The following MTARC1 variants were observed in gnomAD, a reference collection of about 807,000 sequenced individuals.
MTARC1 encodes mitochondrial amidoxime-reducing component 1.
MTARC1 carries 24 observed loss-of-function variants against 33.6 expected under a neutral mutation model. That is an observed-to-expected ratio of 0.72 (90% CI 0.52 to 1.01). The LOEUF (loss-of-function observed/expected upper bound fraction) is 1.01. Among genes scored for constraint, MTARC1 ranks in the 50% least tolerant of loss-of-function variants. The probability of loss-of-function intolerance (pLI) is 0.00; values close to 1 mark genes in which losing one functional copy is unlikely to be tolerated. For synonymous variants in MTARC1, 187 were observed against 189.5 expected (o/e 0.99, Z 0.11); for missense variants, 417 against 445.7 (o/e 0.94, Z 0.58).
chr1:220,794,232 G>C (rs565114553), intron 2 of MTARC1: 2 of 151,636 alleles, frequency 1.3e-5, no homozygotes, highest in African/African-American at 4.8e-5. Context: ...AGGGTGCCTT[G>C]GTGGGCTGTA....
Position 220,799,102 on chromosome 1 carries a change from T to C in MTARC1, c.753+1088T>C, listed in dbSNP as rs72472306. On this transcript the variant is annotated intron_variant, in intron 4 of 6. Transcript: ENST00000366910. ...TGCCTAGGGTTACCTTAAGGGTCTG[T>C]TGAAGGGTCAGTTTGGATAATGTAA... 554 of 985,376 alleles carry C rather than the reference T, an allele frequency of 5.6e-4. 2 individuals are homozygous for C. The African/African-American group carries it at 9.3e-3, about 17-fold the overall frequency. 61.0% of individuals were successfully genotyped at this position (985,376 alleles called of 1,614,324 possible). A position where few individuals can be genotyped will look rare whatever the true frequency, so the allele number is the denominator to read the frequency against.
intron 6 of MTARC1, among the ~76,000 whole-genome samples, chr1:220,811,651 G>A (rs1673137817): frequency 1.3e-5 from 2 of 152,142 alleles, no homozygotes; most frequent in South Asian, 4.1e-4. Context: ...TAAAAATGAT[G>A]TAAAATTAGG....
At position 220,813,463 on chromosome 1, in the gene MTARC1, T is replaced by A; in HGVS notation, c.*45T>A. The A allele has an allele frequency of 6.2e-7, 1 of 1,605,756 alleles. No individual in the cohort carries two copies. The highest frequency in any genetic ancestry group is 8.5e-7 in the Non-Finnish European group (1 of 1,174,120). On this transcript the variant is annotated 3_prime_UTR_variant, in exon 7 of 7. Transcript: ENST00000366910. Reference sequence around the variant, plus strand: ...AATATTAGATGCCTTTTAAAAATGTTCTCAAAAATGACAACACTTGAAGCA... The same window carrying A: ...AATATTAGATGCCTTTTAAAAATGTACTCAAAAATGACAACACTTGAAGCA...
chr1:220,791,379 C>T, intron 1 of MTARC1, 112 bp from the exon 2 acceptor site: 1 of 1,192,168 alleles, frequency 8.4e-7, no homozygotes, highest in Admixed American at 2.3e-5. Context: ...TCACACACAC[C>T]AGGCTTATGG....
At position 220,816,092 on chromosome 1, in the gene MTARC1, T is replaced by C. The variant is rs183395132; in HGVS notation, c.*2674T>C. The C allele has an allele frequency of 5.9e-5, 9 of 152,338 alleles. No individual in the cohort carries two copies. Among genetic ancestry groups the C allele is most frequent in the Admixed American group, 3.3e-4 (5 of 15,296 alleles). The allele number at this position is 152,338 out of a possible 1,614,324, so 9.4% of individuals were successfully genotyped here. A position where few individuals can be genotyped will look rare whatever the true frequency, so the allele number is the denominator to read the frequency against. On this transcript the variant is annotated 3_prime_UTR_variant, in exon 7 of 7. Transcript: ENST00000366910. ...GTCCTATAGGGAGAAATACTCCTCC[T>C]CTCCTTCTCCCTTTACTGATAACGG...
chr1:220,805,023 C>T (rs369779279), intron 4 of MTARC1, 29 bp from the exon 5 acceptor site: 3 of 1,611,210 alleles, frequency 1.9e-6, no homozygotes, highest in Non-Finnish European at 2.5e-6. Flanking sequence ...CCCAGAGATG[C>T]TCATGGGAAT....
chr1:220,787,336 A>T, intron 1 of MTARC1, 117 bp downstream of exon 1: 1 of 1,339,636 alleles, frequency 7.5e-7, no homozygotes, highest in African/African-American at 1.5e-5. Flanking sequence ...TCCTATTACA[A>T]AGAAACTGGG....
Position 220,805,187 on chromosome 1 carries a change from C to CTG in MTARC1, c.816-6_816-5dup. ...TCTGCTCTGTCCCCCTTATGATGCT[C>CTG]TGTGTGTGTGTCCAGATGCATTTTA... On this transcript the variant is annotated splice_polypyrimidine_tract_variant and intron_variant, in intron 5 of 6. Transcript: ENST00000366910. The CTG allele has an allele frequency of 6.2e-7, 1 of 1,614,032 alleles. No homozygotes were observed. Among genetic ancestry groups the CTG allele is most frequent in the South Asian group, 1.1e-5 (1 of 91,074 alleles).
intron 4 of MTARC1, among the ~76,000 whole-genome samples, chr1:220,801,492 A>C (rs1672806213): frequency 6.6e-6 from 1 of 152,144 alleles, no homozygotes; most frequent in African/African-American, 2.4e-5. Flanking sequence ...GAAGGTGTGC[A>C]CTAATTATCT....
In MTARC1 at chr1:220,818,186, T is replaced by C. The variant is rs1673319587; in HGVS notation, c.*4768T>C. 6.6e-6 allele frequency: 1 copy of C among 152,248 alleles called. No individual in the cohort carries two copies. The highest frequency in any genetic ancestry group is 1.5e-5 in the Non-Finnish European group (1 of 68,054). The allele number at this position is 152,248 out of a possible 1,614,324, so 9.4% of individuals were successfully genotyped here. ...CCCTGAGGCATCCCTTGGTCTGCTC[T>C]GACCACACTCTCTTCACAGGAAGAG... On this transcript the variant is annotated 3_prime_UTR_variant, in exon 7 of 7. Transcript: ENST00000366910.
At chr1:220,787,639 A>G (rs1298128792) in intron 1 of MTARC1, among the ~76,000 whole-genome samples, 1 of 152,156 alleles carries the variant, frequency 6.6e-6, no homozygotes, top group African/African-American at 2.4e-5. Context: ...GCTGAACTGT[A>G]GAGTCCAGCC....
In MTARC1 at chr1:220,791,481, A is replaced by T; in HGVS notation, c.276-10A>T. The T allele has an allele frequency of 6.8e-6, 11 of 1,613,412 alleles. No homozygotes were observed. The highest frequency in any genetic ancestry group is 9.3e-6 in the Non-Finnish European group (11 of 1,179,602). On this transcript the variant is annotated splice_polypyrimidine_tract_variant and intron_variant, in intron 1 of 6. Transcript: ENST00000366910. ...TGGTTCACACATATCCTGTGTTTTGAAAACGGCAGGTTTTGGCTTGTGATC... is the reference window on the plus strand; with the variant it reads ...TGGTTCACACATATCCTGTGTTTTGTAAACGGCAGGTTTTGGCTTGTGATC...
intron 6 of MTARC1, among the ~76,000 whole-genome samples, chr1:220,812,522 G>A (rs1673168095): frequency 6.6e-6 from 1 of 152,222 alleles, no homozygotes; most frequent in African/African-American, 2.4e-5. Context: ...AGCAAGCCAA[G>A]TCAAATGATG....
Position 220,797,979 on chromosome 1 carries a change from A to G in MTARC1, c.718A>G (p.Asn240Asp), listed in dbSNP as rs371910688. ...KKVKATNFRP[N>D]IVISGCDVYA... ...AGTTAAAGCAACCAACTTCAGGCCC[A>G]ATATTGTAATTTCAGGATGCGATGT... Residue 240 changes from asparagine (N) to aspartate (D), a missense_variant, in exon 4 of 7, where the codon AAT becomes GAT. Physicochemically the swap from Asn to Asp is conservative, Grantham distance 23. Transcript: ENST00000366910. 4 of 1,614,110 alleles carry G rather than the reference A, an allele frequency of 2.5e-6. No individual in the cohort carries two copies. Among genetic ancestry groups the G allele is most frequent in the Non-Finnish European group, 3.4e-6 (4 of 1,180,042 alleles).
intron 4 of MTARC1, among the ~76,000 whole-genome samples, chr1:220,803,298 C>T (rs913522973): frequency 2.6e-5 from 4 of 152,196 alleles, no homozygotes; most frequent in South Asian, 2.1e-4. Flanking sequence ...GGGAAAGACC[C>T]GCCCCCATGA....
In MTARC1 at chr1:220,814,526, G is replaced by A. The variant is rs1673234702; in HGVS notation, c.*1108G>A. Reference sequence around the variant, plus strand: ...GAGAATGGCTTGAGCCCAGGAGTTTGAGACCAGCCCAGAAAATATAATGGG... The same window carrying A: ...GAGAATGGCTTGAGCCCAGGAGTTTAAGACCAGCCCAGAAAATATAATGGG... On this transcript the variant is annotated 3_prime_UTR_variant, in exon 7 of 7. Coordinates refer to ENST00000366910, the MANE Select transcript of MTARC1 (RefSeq NM_022746.4). 1 of 152,214 alleles carries A rather than the reference G, an allele frequency of 6.6e-6. No homozygotes were observed. The highest frequency in any genetic ancestry group is 1.5e-5 in the Non-Finnish European group (1 of 68,094). The allele number at this position is 152,214 out of a possible 1,614,324, so 9.4% of individuals were successfully genotyped here. A position where few individuals can be genotyped will look rare whatever the true frequency, so the allele number is the denominator to read the frequency against.
rs1672544389 is a variant in MTARC1 at position 220,794,591 on chromosome 1, G to A, written c.450-2052G>A. Among the ~76,000 whole-genome samples, 3 of 151,794 alleles carry A rather than the reference G, an allele frequency of 2.0e-5. No homozygotes were observed. The South Asian group carries it at 6.2e-4, about 32-fold the overall frequency. On this transcript the variant is annotated intron_variant, in intron 2 of 6. Transcript: ENST00000366910. ...TTAGGCTTAAAAGTAGAAATAAGTA[G>A]ATATGATTAATACTAGGTTAGAATG...
At chr1:220,789,454 CA>C (rs201101963) in intron 1 of MTARC1, among the ~76,000 whole-genome samples, 1 of 87,322 alleles carries the variant, frequency 1.1e-5, no homozygotes, top group African/African-American at 2.9e-5. Flanking sequence ...AAAACAAAAA[CA>C]AAAAAAATCT....
intron 6 of MTARC1, among the ~76,000 whole-genome samples, chr1:220,809,563 A>G (rs973754973): frequency 6.6e-6 from 1 of 152,018 alleles, no homozygotes; most frequent in Admixed American, 6.6e-5. Flanking sequence ...AGGCTGGAGC[A>G]CAGTGGAGCA....
Sources: gnomAD v4.1 joint callset for allele counts (sites outside exome capture counted in the v4.1 genomes callset) on GRCh38, gnomAD v4.1.1 for gene constraint, MANE v1.5 for transcripts, NCBI Gene and HGNC (gene_info 2026-07-23, HGNC 2026-07-21) for gene names.